Variants in DIPK2A observed in about 807,000 individuals in gnomAD.
DIPK2A encodes Golgi Protein of 49 kDa.
In DIPK2A, 27 loss-of-function variants were observed where a neutral mutation model predicts 39.0. The ratio of observed to expected loss-of-function variants is 0.69; its 90% CI spans 0.51 to 0.96. DIPK2A has a LOEUF of 0.96. DIPK2A is among the 40% of genes least tolerant of loss of function. The pLI is 0.00. For synonymous variants in DIPK2A, 298 were observed against 240.8 expected (o/e 1.24, Z -2.20); for missense variants, 528 against 571.3 (o/e 0.92, Z 0.77).
chr3:143,978,648 A>ATATAATCTATATATAGATATATATATATC (rs2087777344), intron 1 of DIPK2A: 1 of 49,368 alleles, frequency 2.0e-5, no homozygotes, highest in Non-Finnish European at 4.0e-5. Context: ...ATCTATATAT[A>ATATAATCTATATATAGATATATATATATC]TATATATATA....
chr3:143,988,996 C>T (rs2087945057), intron 2 of DIPK2A, among the ~76,000 whole-genome samples: 1 of 152,198 alleles, frequency 6.6e-6, no homozygotes, highest in African/African-American at 2.4e-5. Flanking sequence ...ATCTCCTTGC[C>T]AACTACGTTT....
At chr3:143,974,120 GT>G (rs60332605) in intron 1 of DIPK2A, among the ~76,000 whole-genome samples, 62,658 of 145,290 alleles carry the variant, frequency 0.43, 13,577 homozygotes, top group African/African-American at 0.56. Flanking sequence ...GAGGTACAGG[GT>G]TTTTTTTTTT....
chr3:143,989,419 A>G, intron 2 of DIPK2A, 91 bp from the exon 3 acceptor site: 1 of 730,786 alleles, frequency 1.4e-6, no homozygotes. Context: ...TGTAGAACAA[A>G]TACTATTAAT....
intron 1 of DIPK2A, among the ~76,000 whole-genome samples, chr3:143,975,194 C>G (rs557334500): frequency 2.0e-5 from 3 of 152,046 alleles, no homozygotes; most frequent in Non-Finnish European, 4.4e-5. Context: ...TTTACACAAC[C>G]CAGTTCCCAG....
chr3:143,973,634 A>T, intron 1 of DIPK2A: 1 of 1,246,352 alleles, frequency 8.0e-7, no homozygotes, highest in Non-Finnish European at 1.1e-6. Context: ...GCAGCGTTGG[A>T]CTTGGGGCTG....
intron 1 of DIPK2A, among the ~76,000 whole-genome samples, chr3:143,975,919 C>A (rs1235192271): frequency 1.3e-5 from 2 of 152,012 alleles, no homozygotes; most frequent in African/African-American, 4.8e-5. Flanking sequence ...TCAAAATAAG[C>A]ATGTAAAAAT....
Position 143,992,146 on chromosome 3 carries a change from T to C in DIPK2A, c.*2305T>C, listed in dbSNP as rs2087996531. The C allele has an allele frequency of 6.6e-6, 1 of 152,646 alleles. No homozygotes were observed. The highest frequency in any genetic ancestry group is 1.5e-5 in the Non-Finnish European group (1 of 68,022). The allele number at this position is 152,646 out of a possible 1,614,324, so 9.5% of individuals were successfully genotyped here. A position where few individuals can be genotyped will look rare whatever the true frequency, so the allele number is the denominator to read the frequency against. On this transcript the variant is annotated 3_prime_UTR_variant, in exon 3 of 3. Coordinates refer to ENST00000315691, the MANE Select transcript of DIPK2A (RefSeq NM_173552.5). The stretch of plus-strand genomic sequence containing the variant: ...AAGATGTTCACTATCAGATATTTAT[T>C]ATATGGCAGCAATTTATATTTTTAA...
At position 143,985,639 on chromosome 3, in the gene DIPK2A, T is replaced by C. The variant is rs1576812300; in HGVS notation, c.754T>C (p.Tyr252His). 1.2e-6 allele frequency: 2 copies of C among 1,614,176 alleles called. No individual in the cohort carries two copies. The highest frequency in any genetic ancestry group is 2.2e-5 in the South Asian group (2 of 91,088). Residue 252 changes from tyrosine (Y) to histidine (H), a missense_variant, in exon 2 of 3, where the codon TAC (tyrosine) becomes CAC (histidine). Around this residue, in one of 2 missense-constraint regions of DIPK2A, gnomAD observed 219 missense variants for 281.5 expected, o/e 0.78. Coordinates refer to ENST00000315691, the MANE Select transcript of DIPK2A (RefSeq NM_173552.5). The part of the protein sequence containing the change: ...VNYVGEELWS[Y>H]FNAPWEKRVD... The stretch of plus-strand genomic sequence containing the variant: ...TTATGTTGGAGAAGAACTGTGGAGT[T>C]ACTTTAATGCGCCATGGGAAAAACG...
Position 143,989,968 on chromosome 3 carries a change from A to G in DIPK2A, c.*127A>G. 1.5e-6 allele frequency: 1 copy of G among 669,038 alleles called. No individual in the cohort carries two copies. 41.4% of individuals were successfully genotyped at this position (669,038 alleles called of 1,614,324 possible). ...CAGAGGATGATAAACTTGCACTGAT[A>G]GATCTTAATGTTAACATCCATCAAA... is the stretch of plus-strand genomic sequence containing the variant. On this transcript the variant is annotated 3_prime_UTR_variant, in exon 3 of 3. Transcript: ENST00000315691.
rs2087688679 is a variant in DIPK2A at position 143,973,550 on chromosome 3, G to A, written c.657+561G>A. On this transcript the variant is annotated intron_variant, in intron 1 of 2. Coordinates refer to ENST00000315691, the MANE Select transcript of DIPK2A (RefSeq NM_173552.5). ...TGGGGAGGATGAAGTCGGAGAACGG[G>A]ACAGTGGTCGGGGTGGGTTTAATCT... 4 of 1,549,246 alleles carry A rather than the reference G, an allele frequency of 2.6e-6. No homozygotes were observed. The South Asian group carries it at 3.6e-5, about 14-fold the overall frequency.
chr3:143,989,765 A>G lies in DIPK2A; in HGVS notation c.1217A>G (p.Lys406Arg). 3 of 1,614,230 alleles carry G rather than the reference A, an allele frequency of 1.9e-6. No homozygotes were observed. The highest frequency in any genetic ancestry group is 2.5e-6 in the Non-Finnish European group (3 of 1,180,048). Residue 406 changes from lysine to arginine, a missense_variant, in exon 3 of 3, where the codon AAG (lysine) becomes AGG (arginine). By Grantham distance (26) the Lys-to-Arg change is conservative. Coordinates refer to ENST00000315691, the MANE Select transcript of DIPK2A (RefSeq NM_173552.5). ...EALLDECANP[K>R]KRYGRFQAAK... is the part of the protein sequence containing the mutation. ...TTGCTGGATGAGTGTGCCAACCCAAAGAAGCGCTATGGCAGATTCCAGGCT... is the reference window on the plus strand; with the variant it reads ...TTGCTGGATGAGTGTGCCAACCCAAGGAAGCGCTATGGCAGATTCCAGGCT...
chr3:143,972,660 A>T lies in DIPK2A; in HGVS notation c.328A>T (p.Lys110Ter), dbSNP rs1161916141. Residue 110 changes from lysine (K) to a stop codon, truncating the protein, a stop_gained, in exon 1 of 3, where the codon AAG becomes TAG. Coordinates refer to ENST00000315691, the MANE Select transcript of DIPK2A (RefSeq NM_173552.5). LOFTEE classifies it high-confidence loss of function. ...GGGCGGCCGCCGCCGAGTGGTGCTC[A>T]AGCGCCTCGGCTCGCAGCGCGAGCT... is the stretch of plus-strand genomic sequence containing the variant. ...REGGRRRVVL[K>*]RLGSQRELAQ... is the part of the protein sequence containing the mutation. 6 of 1,609,878 alleles carry T rather than the reference A, an allele frequency of 3.7e-6. No individual in the cohort carries two copies. Among genetic ancestry groups the T allele is most frequent in the Non-Finnish European group, 5.1e-6 (6 of 1,178,516 alleles).
intron 2 of DIPK2A, among the ~76,000 whole-genome samples, chr3:143,986,806 A>G (rs1044912046): frequency 2.0e-5 from 3 of 152,224 alleles, no homozygotes; most frequent in Admixed American, 6.5e-5. Context: ...CTGTAGGTCT[A>G]GAACCAATTC....
chr3:143,979,535 C>T (rs951005996), intron 1 of DIPK2A, among the ~76,000 whole-genome samples: 5 of 152,014 alleles, frequency 3.3e-5, no homozygotes, highest in Non-Finnish European at 4.4e-5. Flanking sequence ...TGGGGGTTAA[C>T]TCTGAAATGA....
intron 2 of DIPK2A, among the ~76,000 whole-genome samples, chr3:143,987,104 T>A (rs1401139969): frequency 6.6e-6 from 1 of 152,152 alleles, no homozygotes; most frequent in Non-Finnish European, 1.5e-5. Context: ...ATGTAGATCC[T>A]CCTACAGGAA....
rs889688982 is a variant in DIPK2A, at chr3:143,992,109, C to T, written c.*2268C>T. On this transcript the variant is annotated 3_prime_UTR_variant, in exon 3 of 3. Transcript: ENST00000315691. Reference sequence around the variant, plus strand: ...AGTGAAAAGCAATAAATATTTTGTTCACTTTGCTATCAAGATGTTCACTAT... The same window carrying T: ...AGTGAAAAGCAATAAATATTTTGTTTACTTTGCTATCAAGATGTTCACTAT... 2.0e-5 allele frequency: 3 copies of T among 152,662 alleles called. No individual in the cohort carries two copies. The highest frequency in any genetic ancestry group is 7.2e-5 in the African/African-American group (3 of 41,542). The allele number at this position is 152,662 out of a possible 1,614,324, so 9.5% of individuals were successfully genotyped here. A position where few individuals can be genotyped will look rare whatever the true frequency, so the allele number is the denominator to read the frequency against.
In DIPK2A at chr3:143,972,182, C is replaced by T; in HGVS notation, c.-151C>T. On this transcript the variant is annotated 5_prime_UTR_variant, in exon 1 of 3. Transcript: ENST00000315691. ...CCCGCGCCTTCCCGCTCCCCGTCTT[C>T]CTCTCTCACACACCTACTCCGCCCT... The T allele has an allele frequency of 1.7e-6, 1 of 586,802 alleles. No homozygotes were observed. The highest frequency in any genetic ancestry group is 2.6e-6 in the Non-Finnish European group (1 of 386,858). The allele number at this position is 586,802 out of a possible 1,614,324, so 36.3% of individuals were successfully genotyped here. A position where few individuals can be genotyped will look rare whatever the true frequency, so the allele number is the denominator to read the frequency against.
Position 143,990,340 on chromosome 3 carries a change from AG to A in DIPK2A, c.*501del, listed in dbSNP as rs1298149749. ...AAATTTTGAAAATTCAGGTTACTGT[AG>A]GTGTTCATTTAAATTTTTAATAGTT... On this transcript the variant is annotated 3_prime_UTR_variant, in exon 3 of 3. Coordinates refer to ENST00000315691, the MANE Select transcript of DIPK2A (RefSeq NM_173552.5). 6.9e-6 allele frequency: 1 copy of A among 144,888 alleles called. No homozygotes were observed. Among genetic ancestry groups the A allele is most frequent in the African/African-American group, 2.6e-5 (1 of 38,786 alleles). The allele number at this position is 144,888 out of a possible 1,614,324, so 9.0% of individuals were successfully genotyped here.
chr3:143,978,933 G>T (rs954749894), intron 1 of DIPK2A, among the ~76,000 whole-genome samples: 5 of 151,596 alleles, frequency 3.3e-5, no homozygotes, highest in African/African-American at 9.7e-5. Flanking sequence ...AGTAAAATGG[G>T]GTTGTTAATA....
Sources: allele counts gnomAD v4.1 joint callset (sites outside exome capture counted in the v4.1 genomes callset), GRCh38; gene constraint gnomAD v4.1.1; regional missense constraint gnomAD v4.1.1; transcripts MANE v1.5; gene names NCBI Gene and HGNC (gene_info 2026-07-23, HGNC 2026-07-21).